Variants in DENND5B observed in about 807,000 individuals in gnomAD.
DENND5B encodes the protein DENN domain containing 5B, also known as DENN domain-containing protein 5B.
In DENND5B, 34 loss-of-function variants were observed where a neutral mutation model predicts 140.6. The observed-to-expected ratio is 0.24, with a 90% CI of 0.18 to 0.32. The LOEUF (loss-of-function observed/expected upper bound fraction) is 0.32, where lower values mean the gene tolerates loss of function less well. Among genes scored for constraint, DENND5B ranks in the 10% least tolerant of loss-of-function variants. DENND5B has a pLI of 1.00. For synonymous variants in DENND5B, 551 were observed against 562.1 expected (o/e 0.98, Z 0.28); for missense variants, 1,142 against 1,560.2 (o/e 0.73, Z 4.52).
chr12:31,398,884 G>A (rs1221785512), intron 16 of DENND5B, among the ~76,000 whole-genome samples: 1 of 151,984 alleles, frequency 6.6e-6, no homozygotes, highest in Non-Finnish European at 1.5e-5. Flanking sequence ...CACTTTGGGA[G>A]GCCAAGGTGG....
chr12:31,583,821 C>T (rs1042034155), intron 1 of DENND5B, among the ~76,000 whole-genome samples: 7 of 152,280 alleles, frequency 4.6e-5, no homozygotes, highest in Middle Eastern at 3.4e-3. Flanking sequence ...CCACCACTTA[C>T]GTATGTACTC....
intron 1 of DENND5B, among the ~76,000 whole-genome samples, chr12:31,537,757 G>C (rs553247977): frequency 6.6e-6 from 1 of 151,830 alleles, no homozygotes; most frequent in African/African-American, 2.4e-5. Context: ...CACCTACAAA[G>C]ACACACATAG....
At chr12:31,472,711 A>T (rs1291098577) in intron 3 of DENND5B, among the ~76,000 whole-genome samples, 1 of 152,190 alleles carries the variant, frequency 6.6e-6, no homozygotes, top group African/African-American at 2.4e-5. Context: ...GCACAGAGAA[A>T]TTTAAAATGT....
chr12:31,388,729 C>G (rs952638051), intron 20 of DENND5B, among the ~76,000 whole-genome samples: 1 of 152,020 alleles, frequency 6.6e-6, no homozygotes, highest in African/African-American at 2.4e-5. Flanking sequence ...TCCTATGTGC[C>G]ACTTTCAAAA....
At chr12:31,517,286 T>C (rs1420993447) in intron 1 of DENND5B, among the ~76,000 whole-genome samples, 7 of 152,360 alleles carry the variant, frequency 4.6e-5, no homozygotes, top group African/African-American at 1.7e-4. Flanking sequence ...TTATCTAATA[T>C]AGGCAAATGT....
Position 31,480,143 on chromosome 12 carries a change from AGAACAAAAC to A in DENND5B, c.341_349del (p.Gly114_Leu117delinsVal). On this transcript the variant is annotated inframe_deletion, in exon 3 of 21. Coordinates refer to ENST00000389082, the MANE Select transcript of DENND5B (RefSeq NM_144973.4). ...ACTTGTAACTTCTTCATAAAAAGTGAGAACAAAACCATAGGTGCGAGAACCATCTTCCCT... is the reference window on the plus strand; with the variant it reads ...ACTTGTAACTTCTTCATAAAAAGTGACATAGGTGCGAGAACCATCTTCCCT... 1 of 1,610,674 alleles carries A rather than the reference AGAACAAAAC, an allele frequency of 6.2e-7. No homozygotes were observed. The highest frequency in any genetic ancestry group is 8.5e-7 in the Non-Finnish European group (1 of 1,178,226).
At chr12:31,474,791 T>C (rs1395147333) in intron 3 of DENND5B, among the ~76,000 whole-genome samples, 1 of 152,222 alleles carries the variant, frequency 6.6e-6, no homozygotes, top group Non-Finnish European at 1.5e-5. Context: ...ACCTATTTCA[T>C]TCATTTAACT....
chr12:31,472,369 G>A (rs2138430851), intron 3 of DENND5B, among the ~76,000 whole-genome samples: 1 of 152,244 alleles, frequency 6.6e-6, no homozygotes, highest in Admixed American at 6.5e-5. Flanking sequence ...TCGGCTCATT[G>A]CAACTTCCAC....
At chr12:31,556,253 G>A (rs1052126920) in intron 1 of DENND5B, among the ~76,000 whole-genome samples, 2 of 152,138 alleles carry the variant, frequency 1.3e-5, no homozygotes, top group African/African-American at 4.8e-5. Context: ...CACCCAGACT[G>A]GAGTGGAGCA....
chr12:31,404,545 C>G (rs1942007387), intron 14 of DENND5B, among the ~76,000 whole-genome samples: 1 of 152,144 alleles, frequency 6.6e-6, no homozygotes, highest in Admixed American at 6.6e-5. Context: ...CCTCTGCCTC[C>G]TGGATTCAAG....
At chr12:31,495,542 C>G (rs1360536032) in intron 2 of DENND5B, among the ~76,000 whole-genome samples, 1 of 151,912 alleles carries the variant, frequency 6.6e-6, no homozygotes, top group African/African-American at 2.4e-5. Flanking sequence ...CCACACCTGG[C>G]CAATTTTTGT....
rs1950600195 is a variant in DENND5B at position 31,590,965 on chromosome 12, C to T, written c.-133G>A. 1.3e-5 allele frequency: 12 copies of T among 956,286 alleles called. No individual in the cohort carries two copies. The highest frequency in any genetic ancestry group is 1.8e-5 in the African/African-American group (1 of 56,762). The allele number at this position is 956,286 out of a possible 1,614,324, so 59.2% of individuals were successfully genotyped here. On this transcript the variant is annotated 5_prime_UTR_variant, in exon 1 of 21. Transcript: ENST00000389082. The stretch of plus-strand genomic sequence containing the variant: ...CACTGGCGCGCCCATGGCCGCGCAG[C>T]CGCCTCTCGCCGCCGCAGCCTGCCT...
At chr12:31,437,092 A>T (rs1215652137) in intron 7 of DENND5B, among the ~76,000 whole-genome samples, 1 of 151,650 alleles carries the variant, frequency 6.6e-6, no homozygotes, top group Non-Finnish European at 1.5e-5. Flanking sequence ...AAGGGCCAGT[A>T]TCTTGTCTGT....
intron 7 of DENND5B, 30 bp downstream of exon 7, chr12:31,442,745 A>T (rs1291084873): frequency 1.8e-5 from 29 of 1,602,466 alleles, no homozygotes; most frequent in Non-Finnish European, 2.4e-5. Context: ...CATTCCTTCA[A>T]CCAACTACTC....
At chr12:31,490,300 C>A (rs531819816) in intron 2 of DENND5B, among the ~76,000 whole-genome samples, 1 of 152,200 alleles carries the variant, frequency 6.6e-6, no homozygotes, top group South Asian at 2.1e-4. Flanking sequence ...GCAATGAAAG[C>A]CCCATTCCTA....
intron 1 of DENND5B, among the ~76,000 whole-genome samples, chr12:31,528,572 T>C (rs781088631): frequency 3.9e-5 from 6 of 152,150 alleles, no homozygotes; most frequent in Non-Finnish European, 8.8e-5. Flanking sequence ...TGGATATATT[T>C]TGAAGGGTGA....
At chr12:31,412,350 C>A (rs1057078275) in intron 13 of DENND5B, among the ~76,000 whole-genome samples, 1 of 152,156 alleles carries the variant, frequency 6.6e-6, no homozygotes, top group Non-Finnish European at 1.5e-5. Context: ...TGGTTCCCAA[C>A]CTTTTTGGCG....
chr12:31,524,383 T>C (rs1948011380), intron 1 of DENND5B, among the ~76,000 whole-genome samples: 2 of 152,212 alleles, frequency 1.3e-5, no homozygotes, highest in South Asian at 4.1e-4. Flanking sequence ...ACGGGCACGG[T>C]GGCTCACACC....
chr12:31,441,454 C>T (rs1387846901), intron 7 of DENND5B, among the ~76,000 whole-genome samples: 1 of 151,610 alleles, frequency 6.6e-6, no homozygotes, highest in African/African-American at 2.4e-5. Context: ...TCCTAAAGTG[C>T]TGGGATTACA....
Sources: allele counts gnomAD v4.1 joint callset (sites outside exome capture counted in the v4.1 genomes callset), GRCh38; gene constraint gnomAD v4.1.1; transcripts MANE v1.5; gene names NCBI Gene and HGNC (gene_info 2026-07-23, HGNC 2026-07-21).